The following CDKN2B-AS1 variants were observed in gnomAD, a reference collection of about 807,000 sequenced individuals.
The protein encoded by CDKN2B-AS1 is CDKN2B antisense RNA 1 (non-protein coding).
intron 4 of CDKN2B-AS1, among the ~76,000 whole-genome samples, chr9:22,086,944 G>A (rs1442893119): frequency 6.6e-6 from 1 of 152,166 alleles, no homozygotes; most frequent in Non-Finnish European, 1.5e-5. Flanking sequence ...TACAACCTAT[G>A]TTAATGCACA....
At chr9:22,042,373 A>T (rs1278648926) in intron 1 of CDKN2B-AS1, among the ~76,000 whole-genome samples, 1 of 152,134 alleles carries the variant, frequency 6.6e-6, no homozygotes, top group Non-Finnish European at 1.5e-5. Context: ...TCTGAAAAAT[A>T]TTACAATTCA....
intron 1 of CDKN2B-AS1, chr9:22,012,276 A>T: frequency 6.8e-7 from 1 of 1,471,138 alleles, no homozygotes; most frequent in Non-Finnish European, 9.5e-7. Flanking sequence ...CCTGACAAGC[A>T]GCGTCTGATA....
chr9:22,111,563 T>C (rs866424030), intron 4 of CDKN2B-AS1, among the ~76,000 whole-genome samples: 3 of 136,580 alleles, frequency 2.2e-5, no homozygotes, highest in Non-Finnish European at 3.1e-5. Context: ...GTGAAAACTA[T>C]ACATTTCACA....
In CDKN2B-AS1 at chr9:22,005,058, A is replaced by G. The variant is rs1821096641; in HGVS notation, n.29+9897A>G. On this transcript the variant is annotated intron_variant and non_coding_transcript_variant, in intron 1 of 4. Coordinates refer to ENST00000650946, the Ensembl canonical transcript of CDKN2B-AS1. This position sits in a 1 kb window ranked among gnomAD's most constrained non-coding sequence, Gnocchi z 4.9. ...AGTTGCTGAACAACTAAAAAGTACA[A>G]AATATCACAAAATCAAAAAGTAGCA... is the stretch of plus-strand genomic sequence containing the variant. The G allele has an allele frequency of 4.3e-6, 1 of 233,324 alleles. No individual in the cohort carries two copies. Among genetic ancestry groups the G allele is most frequent in the Non-Finnish European group, 8.5e-6 (1 of 118,094 alleles). 14.5% of individuals were successfully genotyped at this position (233,324 alleles called of 1,614,324 possible). A position where few individuals can be genotyped will look rare whatever the true frequency, so the allele number is the denominator to read the frequency against.
intron 4 of CDKN2B-AS1, among the ~76,000 whole-genome samples, chr9:22,056,839 T>C (rs934148015): frequency 1.3e-5 from 2 of 152,208 alleles, no homozygotes; most frequent in Non-Finnish European, 2.9e-5. Context: ...ACTCAACATC[T>C]TCACTTTTGA....
rs7028469 is a variant in CDKN2B-AS1, at chr9:22,041,343, G to T, written n.30-5408G>T. On this transcript the variant is annotated intron_variant and non_coding_transcript_variant, in intron 1 of 4. Coordinates refer to ENST00000650946, the Ensembl canonical transcript of CDKN2B-AS1. ...ACAATGAACAAAAATAAAATGTACTGTGGAAATTGTCTAGCTGTTGAGATC... is the reference window on the plus strand; with the variant it reads ...ACAATGAACAAAAATAAAATGTACTTTGGAAATTGTCTAGCTGTTGAGATC... Among the ~76,000 whole-genome samples, 245 of 152,104 alleles carry T rather than the reference G, an allele frequency of 1.6e-3. 4 individuals are homozygous for T. The highest frequency in any genetic ancestry group is 5.7e-3 in the African/African-American group (235 of 41,540).
chr9:22,087,616 A>G (rs1297687256), intron 4 of CDKN2B-AS1, among the ~76,000 whole-genome samples: 1 of 152,198 alleles, frequency 6.6e-6, no homozygotes, highest in Non-Finnish European at 1.5e-5. Flanking sequence ...TAGACTGTCA[A>G]TCTTTTGAAA....
intron 4 of CDKN2B-AS1, among the ~76,000 whole-genome samples, chr9:22,087,853 T>C (rs1019465152): frequency 1.3e-5 from 2 of 152,222 alleles, no homozygotes; most frequent in Non-Finnish European, 2.9e-5. Context: ...AAATAGAAGA[T>C]TGTCATAAAA....
At chr9:22,076,697 A>T (rs1023692252) in intron 4 of CDKN2B-AS1, among the ~76,000 whole-genome samples, 5 of 151,968 alleles carry the variant, frequency 3.3e-5, no homozygotes, top group African/African-American at 1.2e-4. Context: ...ATTATTTTTT[A>T]AATTTATTTT....
rs34700018 is a variant in CDKN2B-AS1 at position 22,126,574 on chromosome 9, C to CTTTTTTTTTT, written n.439-517_439-508dup. Among the ~76,000 whole-genome samples the CTTTTTTTTTT allele has an allele frequency of 3.8e-3, 403 of 104,868 alleles. 30 individuals carry two copies. Among genetic ancestry groups the CTTTTTTTTTT allele is most frequent in the African/African-American group, 0.015 (384 of 25,240 alleles). 68.8% of individuals were successfully genotyped at this position (104,868 alleles called of 152,430 possible). A position where few individuals can be genotyped will look rare whatever the true frequency, so the allele number is the denominator to read the frequency against. On this transcript the variant is annotated intron_variant and non_coding_transcript_variant, in intron 4 of 4. Transcript: ENST00000650946. ...TGAATGGGGATGGAGTAAGTGGATT[C>CTTTTTTTTTT]TTTTTTTTTTTTTTTTTTTTTGAGA... is the stretch of plus-strand genomic sequence containing the variant.
intron 1 of CDKN2B-AS1, among the ~76,000 whole-genome samples, chr9:22,024,792 T>C (rs985194707): frequency 1.1e-4 from 17 of 152,104 alleles, no homozygotes; most frequent in Non-Finnish European, 5.9e-5. Context: ...GCAGTATGGG[T>C]AGCGAACACC....
rs73438881 is a variant in CDKN2B-AS1 at position 22,103,789 on chromosome 9, G to T, written n.439-23314G>T. On this transcript the variant is annotated intron_variant and non_coding_transcript_variant, in intron 4 of 4. Coordinates refer to ENST00000650946, the Ensembl canonical transcript of CDKN2B-AS1. ...TATTTTAGGCTTTTTAAATGCTGAG[G>T]CAAGGGGACATACCAAACACTAACA... Among the ~76,000 whole-genome samples, 1,501 of 152,184 alleles carry T rather than the reference G, an allele frequency of 9.9e-3. 28 individuals carry two copies. Among genetic ancestry groups the T allele is most frequent in the African/African-American group, 0.033 (1,369 of 41,500 alleles).
At chr9:22,032,598 T>A (rs1264723777) in intron 1 of CDKN2B-AS1, 2 of 152,032 alleles carry the variant, frequency 1.3e-5, no homozygotes, top group Non-Finnish European at 2.9e-5. Flanking sequence ...CATTTTTTTA[T>A]TTATGGGAGT....
chr9:22,006,739 C>T lies in CDKN2B-AS1; in HGVS notation n.29+11578C>T, dbSNP rs368867598. On this transcript the variant is annotated intron_variant and non_coding_transcript_variant, in intron 1 of 4. Transcript: ENST00000650946. This position sits in a 1 kb window ranked among gnomAD's most constrained non-coding sequence, Gnocchi z 6.4. Reference sequence around the variant, plus strand: ...ATGGTTTAGGGGAGAAAATAAACAACTAAGTTTTTTTCTTTCTTTTTTTTT... The same window carrying T: ...ATGGTTTAGGGGAGAAAATAAACAATTAAGTTTTTTTCTTTCTTTTTTTTT... 2.6e-5 allele frequency among the ~76,000 whole-genome samples: 4 copies of T among 152,044 alleles called. No homozygotes were observed. The highest frequency in any genetic ancestry group is 9.6e-5 in the African/African-American group (4 of 41,490).
chr9:22,126,542 GTATACTTGAATGGGGA>G (rs991172663), intron 4 of CDKN2B-AS1, among the ~76,000 whole-genome samples: 51 of 146,274 alleles, frequency 3.5e-4, no homozygotes, highest in Non-Finnish European at 6.7e-4. Context: ...TTCTCTTTGG[GTATACTTGAATGGGGA>G]TGGAGTAAGT....
At chr9:22,060,390 G>A (rs907071565) in intron 4 of CDKN2B-AS1, among the ~76,000 whole-genome samples, 1 of 152,146 alleles carries the variant, frequency 6.6e-6, no homozygotes. Context: ...AACCTAACAA[G>A]AGTCACATTT....
At chr9:22,010,835 A>T (rs2131197120) in intron 1 of CDKN2B-AS1, among the ~76,000 whole-genome samples, 1 of 152,356 alleles carries the variant, frequency 6.6e-6, no homozygotes, top group South Asian at 2.1e-4. Flanking sequence ...AAGTTAGGAC[A>T]AGATAGTCTG....
intron 4 of CDKN2B-AS1, among the ~76,000 whole-genome samples, chr9:22,080,821 C>G (rs542877004): frequency 2.1e-4 from 32 of 152,270 alleles, no homozygotes; most frequent in Non-Finnish European, 3.7e-4. Flanking sequence ...AGCTACATGA[C>G]AAAGAAAATA....
chr9:22,023,278 G>A, intron 1 of CDKN2B-AS1, among the ~76,000 whole-genome samples: 1 of 152,070 alleles, frequency 6.6e-6, no homozygotes, highest in South Asian at 2.1e-4. Context: ...TGTAGATGTG[G>A]TCTCTATATA....
Sources: allele counts gnomAD v4.1 joint callset (sites outside exome capture counted in the v4.1 genomes callset), GRCh38; gene constraint gnomAD v4.1.1; non-coding constraint Gnocchi (gnomAD v3.1); transcripts MANE v1.5; gene names NCBI Gene and HGNC (gene_info 2026-07-23, HGNC 2026-07-21).